Variants in TUT4 observed in about 807,000 individuals in gnomAD.
TUT4 encodes the protein terminal uridylyltransferase 4.
Under a neutral mutation model 192.2 loss-of-function variants are expected in TUT4, and 36 were observed. The observed-to-expected ratio is 0.19, with a 90% CI of 0.14 to 0.25. The LOEUF is 0.25. Ranked by LOEUF, TUT4 falls within the 10% of genes least tolerant of loss-of-function variation. TUT4 has a pLI of 1.00. For missense variants in TUT4, 1,493 were observed against 1,957.2 expected (o/e 0.76, Z 4.47); for synonymous variants, 618 against 666.0 (o/e 0.93, Z 1.11).
chr1:52,525,570 G>A lies in TUT4; in HGVS notation c.711C>T (p.Asp237=), dbSNP rs3795364. The change falls in exon 2 of 30, where the codon GAC becomes GAT. Residue 237 remains aspartate, a synonymous_variant. Coordinates refer to ENST00000257177, the MANE Select transcript of TUT4 (RefSeq NM_001009881.3). ...CTCCAAAAAATGACTTACTTAAATC[G>A]TCCGATACGTCTTCAATTCCTGAAG... The part of the protein sequence containing the change: ...DSASGIEDVS[D]DLSKMKNDES... 124 of 1,605,898 alleles carry A rather than the reference G, an allele frequency of 7.7e-5. No individual in the cohort carries two copies. In the East Asian group the frequency reaches 1.5e-3, roughly 20 times the overall value.
At chr1:52,466,629 G>C (rs1664219953) in intron 15 of TUT4, among the ~76,000 whole-genome samples, 1 of 138,934 alleles carries the variant, frequency 7.2e-6, no homozygotes. Flanking sequence ...CCGGGTGACA[G>C]AGTAATATCC....
chr1:52,458,487 CT>C (rs1241666411), intron 19 of TUT4, 38 bp from the exon 20 acceptor site: 1 of 1,473,088 alleles, frequency 6.8e-7, no homozygotes, highest in African/African-American at 1.4e-5. Context: ...ACTTCAGAGT[CT>C]TACTCCATGC....
chr1:52,530,051 C>G (rs945522317), intron 1 of TUT4, among the ~76,000 whole-genome samples: 2 of 152,118 alleles, frequency 1.3e-5, no homozygotes, highest in Non-Finnish European at 2.9e-5. Flanking sequence ...CTATCTCACC[C>G]AGGCTGGTTT....
intron 5 of TUT4, 137 bp from the exon 6 acceptor site, chr1:52,495,652 C>T (rs1672269839): frequency 1.8e-6 from 1 of 546,236 alleles, no homozygotes; most frequent in Admixed American, 3.5e-5. Flanking sequence ...AAGAAGAACA[C>T]CCTTTCTAAC....
chr1:52,542,164 G>T (rs980457438), intron 1 of TUT4, among the ~76,000 whole-genome samples: 1 of 152,176 alleles, frequency 6.6e-6, no homozygotes, highest in Non-Finnish European at 1.5e-5. Context: ...AAATAAAGTA[G>T]AATGGTGGTT....
chr1:52,552,310 A>G (rs1416865017), intron 1 of TUT4, among the ~76,000 whole-genome samples: 1 of 152,148 alleles, frequency 6.6e-6, no homozygotes. Context: ...CTGTTTACAA[A>G]TACGAATCTC....
chr1:52,486,869 G>A (rs1265396359), intron 9 of TUT4, among the ~76,000 whole-genome samples: 2 of 152,062 alleles, frequency 1.3e-5, no homozygotes, highest in African/African-American at 4.8e-5. Context: ...AAAATAAAAA[G>A]AATGTATCTG....
At chr1:52,449,025 A>G (rs1658485970) in intron 20 of TUT4, among the ~76,000 whole-genome samples, 1 of 151,128 alleles carries the variant, frequency 6.6e-6, no homozygotes, top group African/African-American at 2.4e-5. Flanking sequence ...AATTCTCTCC[A>G]CTCTGTTTCA....
At chr1:52,493,523 A>T in intron 7 of TUT4, 88 bp downstream of exon 7, 1 of 919,680 alleles carries the variant, frequency 1.1e-6, no homozygotes, top group Non-Finnish European at 1.6e-6. Flanking sequence ...GTTTAGTTTT[A>T]ACTTGGTTAG....
In TUT4 at chr1:52,526,139, T is replaced by C. The variant is rs1158930266; in HGVS notation, c.142A>G (p.Ser48Gly). Residue 48 changes from serine (S) to glycine (G), a missense_variant, in exon 2 of 30, where the codon AGC becomes GGC. This residue lies in a region of TUT4 where 260 missense variants were observed against 247.8 expected (regional missense o/e 1.05). Transcript: ENST00000257177. Reference protein sequence around the residue: ...NDKSVKEIENSSPNRNSSKKN... With the variant: ...NDKSVKEIENGSPNRNSSKKN... ...TTACTACTATTCCTATTTGGAGAGC[T>C]GTTCTCAATTTCTTTTACGGATTTA... 6.2e-7 allele frequency: 1 copy of C among 1,612,854 alleles called. No homozygotes were observed. Among genetic ancestry groups the C allele is most frequent in the Non-Finnish European group, 8.5e-7 (1 of 1,179,818 alleles).
chr1:52,538,654 A>G (rs1685627393), intron 1 of TUT4: 1 of 151,628 alleles, frequency 6.6e-6, no homozygotes, highest in African/African-American at 2.4e-5. Context: ...CTAAAAAAAA[A>G]AAAAGAAAAG....
chr1:52,527,917 G>A (rs1001721259), intron 1 of TUT4, among the ~76,000 whole-genome samples: 2 of 152,064 alleles, frequency 1.3e-5, no homozygotes, highest in Admixed American at 6.6e-5. Context: ...GGTGCCTCAC[G>A]CCTGTAATCC....
intron 4 of TUT4, among the ~76,000 whole-genome samples, chr1:52,500,120 C>CAA (rs547663604): frequency 7.3e-6 from 1 of 136,788 alleles, no homozygotes; most frequent in Non-Finnish European, 1.6e-5. Context: ...AGATTCTGCT[C>CAA]AAAAAAAAAA....
At chr1:52,496,948 A>C in intron 5 of TUT4, 58 bp downstream of exon 5, 2 of 1,518,172 alleles carry the variant, frequency 1.3e-6, no homozygotes, top group Non-Finnish European at 1.8e-6. Flanking sequence ...CTCTAGTTCA[A>C]GAGGAGCAAG....
intron 1 of TUT4, among the ~76,000 whole-genome samples, chr1:52,545,707 A>G (rs934221946): frequency 6.6e-6 from 1 of 152,166 alleles, no homozygotes; most frequent in African/African-American, 2.4e-5. Flanking sequence ...GGCTGTGGAA[A>G]TATCAGAACC....
At chr1:52,486,571 A>T (rs546631194) in intron 9 of TUT4, among the ~76,000 whole-genome samples, 16 of 152,330 alleles carry the variant, frequency 1.1e-4, no homozygotes, top group African/African-American at 3.6e-4. Flanking sequence ...AAGCTATTTT[A>T]AAAAAATCTT....
Position 52,474,968 on chromosome 1 carries a change from C to T in TUT4, c.2591G>A (p.Ser864Asn). The T allele has an allele frequency of 1.9e-6, 3 of 1,614,204 alleles. No individual in the cohort carries two copies. The highest frequency in any genetic ancestry group is 2.5e-6 in the Non-Finnish European group (3 of 1,180,044). ...GGTAGCAGATGTGTCGGTGCACACA[C>T]TCTGATGTGAACTCTCTGTTTCTAA... is the stretch of plus-strand genomic sequence containing the variant. ...SNLETESSHQ[S>N]VCTDTSATSC... The change falls in exon 13 of 30, where the codon AGT becomes AAT. Residue 864 changes from serine (S) to asparagine (N), a missense_variant. Transcript: ENST00000257177.
At chr1:52,475,939 G>A (rs561590631) in intron 12 of TUT4, among the ~76,000 whole-genome samples, 2 of 152,108 alleles carry the variant, frequency 1.3e-5, no homozygotes, top group African/African-American at 4.8e-5. Flanking sequence ...CTGCCTCCCA[G>A]GTTCAAGCGA....
chr1:52,474,989 T>A lies in TUT4; in HGVS notation c.2570A>T (p.Glu857Val). The A allele has an allele frequency of 6.2e-7, 1 of 1,614,210 alleles. No homozygotes were observed. Among genetic ancestry groups the A allele is most frequent in the Non-Finnish European group, 8.5e-7 (1 of 1,180,028 alleles). ...STGTDCRSNL[E>V]TESSHQSVCT... ...CACACTCTGATGTGAACTCTCTGTT[T>A]CTAAATTTGACCTGCAGTCTGTTCC... Residue 857 changes from glutamate to valine, a missense_variant, in exon 13 of 30, where the codon GAA (glutamate) becomes GTA (valine). Physicochemically the swap from Glu to Val is moderately radical, Grantham distance 121. This residue lies in a region of TUT4 where 245 missense variants were observed against 218.4 expected (regional missense o/e 1.12). Transcript: ENST00000257177.
Sources: gnomAD v4.1 joint callset for allele counts (sites outside exome capture counted in the v4.1 genomes callset) on GRCh38, gnomAD v4.1.1 for gene constraint, gnomAD v4.1.1 regional missense constraint, MANE v1.5 for transcripts, NCBI Gene and HGNC (gene_info 2026-07-23, HGNC 2026-07-21) for gene names.